The following RIF1 variants were observed in gnomAD, a reference collection of about 807,000 sequenced individuals.
The protein encoded by RIF1 is telomere-associated protein RIF1.
A neutral mutation model predicts 247.1 loss-of-function variants in RIF1; 45 were observed. The observed-to-expected ratio is 0.18, with a 90% CI of 0.14 to 0.23. RIF1 has a LOEUF of 0.23. RIF1 is among the 10% of genes least tolerant of loss of function. The probability of loss-of-function intolerance (pLI) is 1.00; values close to 1 mark genes in which losing one functional copy is unlikely to be tolerated. For synonymous variants in RIF1, 1,087 were observed against 978.8 expected, an observed-to-expected ratio of 1.11 and a Z score of -2.06; for missense variants, 2,967 against 2,862.5, an observed-to-expected ratio of 1.04 and a Z score of -0.83.
the RIF1 span, among the ~76,000 whole-genome samples, chr2:151,529,773 G>A: frequency 6.6e-5 from 10 of 152,144 alleles, no homozygotes; most frequent in South Asian, 2.1e-4. Flanking sequence ...AGGTGATCCC[G>A]CCCACCTCAG....
At chr2:151,459,099 C>G (rs1695705615) in intron 25 of RIF1, among the ~76,000 whole-genome samples, 189 bp downstream of exon 25, 1 of 152,058 alleles carries the variant, frequency 6.6e-6, no homozygotes, top group African/African-American at 2.4e-5. Context: ...ATCTCTAATT[C>G]TTGTCATTAA....
rs947557506 is a variant in RIF1 at position 151,480,616 on chromosome 2, C to T, written c.*5545C>T. 6.6e-6 allele frequency: 1 copy of T among 151,992 alleles called. No individual in the cohort carries two copies. Among genetic ancestry groups the T allele is most frequent in the African/African-American group, 2.4e-5 (1 of 41,372 alleles). 9.4% of individuals were successfully genotyped at this position (151,992 alleles called of 1,614,324 possible). ...AAAGCAGTAAGTTAATAAGTATTTCCAACAAAAGGCAGCTTTGTTTCTTAA... is the reference window on the plus strand; with the variant it reads ...AAAGCAGTAAGTTAATAAGTATTTCTAACAAAAGGCAGCTTTGTTTCTTAA... On this transcript the variant is annotated 3_prime_UTR_variant, in exon 36 of 36. Coordinates refer to ENST00000444746, the MANE Select transcript of RIF1 (RefSeq NM_018151.5).
intron 17 of RIF1, 45 bp downstream of exon 17, chr2:151,443,374 G>T (rs780823911): frequency 7.2e-7 from 1 of 1,379,890 alleles, no homozygotes; most frequent in Non-Finnish European, 1.0e-6. Context: ...GAAAGGTTAT[G>T]TAATGAATGA....
rs1180250750 is a variant in RIF1, at chr2:151,491,934, G to A, written c.*416-3295G>A. On this transcript the variant is annotated intron_variant and NMD_transcript_variant, in intron 9 of 13. Coordinates refer to the RIF1 transcript ENST00000454583. ...TTCCTCAGAGGAGAACAAAGATAAGGTAGAAATCAGCTTTGTAAACTATGA... is the reference window on the plus strand; with the variant it reads ...TTCCTCAGAGGAGAACAAAGATAAGATAGAAATCAGCTTTGTAAACTATGA... The A allele has an allele frequency of 9.3e-6, 9 of 970,612 alleles. No individual in the cohort carries two copies. In the East Asian group the frequency reaches 2.0e-4, roughly 22 times the overall value. 60.1% of individuals were successfully genotyped at this position (970,612 alleles called of 1,614,324 possible).
At chr2:151,488,866 C>G (rs1432716463) in intron 9 of RIF1, among the ~76,000 whole-genome samples, 1 of 151,954 alleles carries the variant, frequency 6.6e-6, no homozygotes, top group Non-Finnish European at 1.5e-5. Flanking sequence ...TGGACTTCAT[C>G]TATTTTTGTA....
chr2:151,425,719 T>G (rs1259187599), intron 8 of RIF1, among the ~76,000 whole-genome samples: 1 of 127,212 alleles, frequency 7.9e-6, no homozygotes, highest in Non-Finnish European at 1.6e-5. Flanking sequence ...TAGGCTGGAG[T>G]GCAGTGGCAT....
chr2:151,496,904 A>G, intron 10 of RIF1: 12 of 1,502,700 alleles, frequency 8.0e-6, no homozygotes, highest in Non-Finnish European at 1.1e-5. Flanking sequence ...AGTTTTTAAA[A>G]TCAGTAAGTA....
intron 9 of RIF1, among the ~76,000 whole-genome samples, chr2:151,431,490 C>T (rs1284373729): frequency 6.6e-6 from 1 of 152,176 alleles, no homozygotes; most frequent in Non-Finnish European, 1.5e-5. Context: ...TATTATGGAG[C>T]TCTTCTCATA....
At chr2:151,468,272 C>T in intron 31 of RIF1, 126 bp downstream of exon 31, 3 of 1,020,734 alleles carry the variant, frequency 2.9e-6, no homozygotes, top group South Asian at 1.7e-5. Flanking sequence ...ATTCTTTTGT[C>T]TGGTACACGG....
At chr2:151,444,603 C>T (rs1327300459) in intron 18 of RIF1, among the ~76,000 whole-genome samples, 1 of 152,168 alleles carries the variant, frequency 6.6e-6, no homozygotes, top group East Asian at 1.9e-4. Flanking sequence ...CAGCTTTTTA[C>T]ATTATAGTTA....
At chr2:151,495,958 C>T (rs923164520) in intron 10 of RIF1, among the ~76,000 whole-genome samples, 7 of 152,080 alleles carry the variant, frequency 4.6e-5, no homozygotes, top group African/African-American at 1.2e-4. Context: ...CACACGTACC[C>T]GTCCTAAATT....
chr2:151,476,440 A>T lies in RIF1; in HGVS notation c.*1369A>T, dbSNP rs1008645646. ...TCTCACTTCTTCTTTGAATAGAATGAGTGAGTGATCTCAGTTTTCACATTT... is the reference window on the plus strand; with the variant it reads ...TCTCACTTCTTCTTTGAATAGAATGTGTGAGTGATCTCAGTTTTCACATTT... On this transcript the variant is annotated 3_prime_UTR_variant, in exon 36 of 36. Coordinates refer to ENST00000444746, the MANE Select transcript of RIF1 (RefSeq NM_018151.5). The T allele has an allele frequency of 2.6e-5, 4 of 152,178 alleles. No homozygotes were observed. The highest frequency in any genetic ancestry group is 9.6e-5 in the African/African-American group (4 of 41,452). The allele number at this position is 152,178 out of a possible 1,614,324, so 9.4% of individuals were successfully genotyped here.
rs376393807 is a variant in RIF1, at chr2:151,451,644, T to C, written c.2283T>C (p.Thr761=). 1.2e-5 allele frequency: 17 copies of C among 1,473,020 alleles called. No individual in the cohort carries two copies. The highest frequency in any genetic ancestry group is 1.5e-5 in the Non-Finnish European group (16 of 1,053,036). 91.2% of individuals were successfully genotyped at this position (1,473,020 alleles called of 1,614,324 possible). A position where few individuals can be genotyped will look rare whatever the true frequency, so the allele number is the denominator to read the frequency against. ...TGGATAGAATTATTTATATTATTACTGTAATGGTTGATTGCATTGACTTCT... is the reference window on the plus strand; with the variant it reads ...TGGATAGAATTATTTATATTATTACCGTAATGGTTGATTGCATTGACTTCT... The part of the protein sequence containing the change: ...LFVDRIIYII[T]VMVDCIDFSP... The change falls in exon 21 of 36, where the codon ACT becomes ACC. Residue 761 remains threonine, a synonymous_variant. Coordinates refer to ENST00000444746, the MANE Select transcript of RIF1 (RefSeq NM_018151.5).
In RIF1 at chr2:151,503,707, T is replaced by C. The variant is rs114945174; in HGVS notation, c.*861+522T>C. 7.6e-3 allele frequency among the ~76,000 whole-genome samples: 1,156 copies of C among 152,286 alleles called. 19 individuals carry two copies. The highest frequency in any genetic ancestry group is 0.027 in the African/African-American group (1,111 of 41,576). On this transcript the variant is annotated intron_variant and NMD_transcript_variant, in intron 12 of 13. Transcript: ENST00000454583. ...TGCCTAAAATGCATTAATAAATAAA[T>C]TTACCAATGAGAAAAATCTAACCAT...
rs1574037593 is a variant in RIF1 at position 151,446,356 on chromosome 2, G to A, written c.2095-70G>A. ...AGTGTTTTTAAAAAATGTTAAAGAT[G>A]TATTGATTCTATAAACTTTGATAGA... On this transcript the variant is annotated intron_variant, in intron 19 of 35. Coordinates refer to ENST00000444746, the MANE Select transcript of RIF1 (RefSeq NM_018151.5). The A allele has an allele frequency of 1.0e-5, 13 of 1,238,672 alleles. No homozygotes were observed. In the East Asian group the frequency reaches 1.8e-4, roughly 17 times the overall value. 76.7% of individuals were successfully genotyped at this position (1,238,672 alleles called of 1,614,324 possible).
intron 23 of RIF1, among the ~76,000 whole-genome samples, chr2:151,457,371 C>T (rs1226773943): frequency 6.6e-6 from 1 of 152,216 alleles, no homozygotes; most frequent in East Asian, 1.9e-4. Context: ...AGTCTGCCCG[C>T]TTTGGCTTCC....
At chr2:151,421,813 A>C (rs1468557065) in intron 7 of RIF1, among the ~76,000 whole-genome samples, 1 of 152,108 alleles carries the variant, frequency 6.6e-6, no homozygotes, top group Non-Finnish European at 1.5e-5. Context: ...TATTCTGATG[A>C]ATTCAATTTT....
intron 16 of RIF1, 36 bp downstream of exon 16, chr2:151,442,027 C>A: frequency 3.1e-6 from 2 of 640,218 alleles, no homozygotes; most frequent in Non-Finnish European, 5.0e-6. Flanking sequence ...GAAGATTGGC[C>A]AAAAACATTT....
chr2:151,519,713 G>A, the RIF1 span: 34 of 1,612,790 alleles, frequency 2.1e-5, no homozygotes, highest in Admixed American at 3.7e-4. Flanking sequence ...GCTGTCTTTT[G>A]GATTGTATTT....
Sources: gnomAD v4.1 joint callset for allele counts (sites outside exome capture counted in the v4.1 genomes callset) on GRCh38, gnomAD v4.1.1 for gene constraint, MANE v1.5 for transcripts, NCBI Gene and HGNC (gene_info 2026-07-23, HGNC 2026-07-21) for gene names.